FIGN: variants seen among roughly 807,000 people sequenced by gnomAD.
FIGN encodes the protein fidgetin.
In FIGN, 11 loss-of-function variants were observed where a neutral mutation model predicts 51.3. The observed-to-expected ratio is 0.21, with a 90% CI of 0.13 to 0.35. FIGN has a LOEUF of 0.35. FIGN is among the 10% of genes least tolerant of loss of function. The probability of loss-of-function intolerance (pLI) is 1.00; values close to 1 mark genes in which losing one functional copy is unlikely to be tolerated. For missense variants in FIGN, 857 were observed against 943.6 expected (o/e 0.91, Z 1.20); for synonymous variants, 407 against 363.2 (o/e 1.12, Z -1.37).
intron 2 of FIGN, among the ~76,000 whole-genome samples, chr2:163,733,242 G>T (rs1050455657): frequency 1.3e-5 from 2 of 152,064 alleles, no homozygotes; most frequent in Admixed American, 1.3e-4. Flanking sequence ...TAAGAGGGGG[G>T]CAATTTACAC....
At chr2:163,660,806 TATATATACATATACATATATATGTATAC>T (rs1384884803) in intron 2 of FIGN, among the ~76,000 whole-genome samples, 1 of 97,514 alleles carries the variant, frequency 1.0e-5, no homozygotes, top group African/African-American at 3.9e-5. Context: ...TAGATATACA[TATATATACATATACATATATATGTATAC>T]ATATATACAT....
In FIGN at chr2:163,696,366, A is replaced by G. The variant is rs531033727; in HGVS notation, c.25+38537T>C. Among the ~76,000 whole-genome samples the G allele has an allele frequency of 1.6e-4, 24 of 147,486 alleles. No individual in the cohort carries two copies. The South Asian group carries it at 4.6e-3, about 28-fold the overall frequency. On this transcript the variant is annotated intron_variant, in intron 2 of 2. Transcript: ENST00000333129. ...CTGGTACCCCATGAAACAGACTAGAAAAAAGTAAATGACTTAGAAATTAGC... is the reference window on the plus strand; with the variant it reads ...CTGGTACCCCATGAAACAGACTAGAGAAAAGTAAATGACTTAGAAATTAGC...
chr2:163,699,244 A>G lies in FIGN; in HGVS notation c.25+35659T>C, dbSNP rs149410627. ...AGAACAGAGAAAGGCAGGTATGAAG[A>G]AATGGTTTTATCAGATGTTTTTAGT... On this transcript the variant is annotated intron_variant, in intron 2 of 2. Transcript: ENST00000333129. 6.4e-3 allele frequency among the ~76,000 whole-genome samples: 971 copies of G among 152,308 alleles called. 15 individuals are homozygous for G. The highest frequency in any genetic ancestry group is 0.021 in the African/African-American group (876 of 41,570).
chr2:163,663,487 G>A (rs1049924078), intron 2 of FIGN, among the ~76,000 whole-genome samples: 22 of 151,350 alleles, frequency 1.5e-4, no homozygotes, highest in African/African-American at 4.8e-4. Context: ...GGTGCCCACC[G>A]CCACACCTGG....
intron 2 of FIGN, among the ~76,000 whole-genome samples, chr2:163,667,338 C>CAAAAA (rs397952314): frequency 1.2e-4 from 15 of 127,524 alleles, no homozygotes; most frequent in South Asian, 2.7e-4. Context: ...ACTATCCCCA[C>CAAAAA]AAAAAAAAAA....
chr2:163,682,464 A>C (rs1253929472), intron 2 of FIGN, among the ~76,000 whole-genome samples: 1 of 152,248 alleles, frequency 6.6e-6, no homozygotes, highest in Non-Finnish European at 1.5e-5. Flanking sequence ...GGCAAAAGTC[A>C]TGCACTTCAA....
chr2:163,618,015 C>A (rs1682907228), intron 2 of FIGN, among the ~76,000 whole-genome samples: 1 of 152,124 alleles, frequency 6.6e-6, no homozygotes, highest in Non-Finnish European at 1.5e-5. Flanking sequence ...CCTTCAACCT[C>A]AGGACAGCAA....
At chr2:163,614,543 T>C (rs1558996491) in intron 2 of FIGN, among the ~76,000 whole-genome samples, 1 of 151,208 alleles carries the variant, frequency 6.6e-6, no homozygotes, top group African/African-American at 2.4e-5. Flanking sequence ...AAATACAGAG[T>C]AGAGAAAATA....
intron 2 of FIGN, among the ~76,000 whole-genome samples, chr2:163,725,593 T>C (rs1304005354): frequency 6.6e-6 from 1 of 152,070 alleles, no homozygotes; most frequent in East Asian, 1.9e-4. Flanking sequence ...TTTTTACCCA[T>C]GATTATGAAC....
At chr2:163,641,136 G>A (rs1683299915) in intron 2 of FIGN, among the ~76,000 whole-genome samples, 1 of 152,136 alleles carries the variant, frequency 6.6e-6, no homozygotes, top group African/African-American at 2.4e-5. Context: ...CACAAACTAT[G>A]GTATATGTTA....
At chr2:163,695,262 C>T (rs1335800010) in intron 2 of FIGN, among the ~76,000 whole-genome samples, 1 of 152,076 alleles carries the variant, frequency 6.6e-6, no homozygotes, top group Non-Finnish European at 1.5e-5. Context: ...CCCTACTTGC[C>T]TACAAAATTT....
intron 2 of FIGN, among the ~76,000 whole-genome samples, chr2:163,720,235 G>C (rs1032861543): frequency 1.3e-5 from 2 of 152,106 alleles, no homozygotes; most frequent in African/African-American, 4.8e-5. Context: ...GCTTGGTTCT[G>C]CAATAAAAAT....
intron 2 of FIGN, among the ~76,000 whole-genome samples, chr2:163,669,897 A>G (rs958159064): frequency 1.3e-5 from 2 of 152,242 alleles, no homozygotes; most frequent in Admixed American, 6.5e-5. Flanking sequence ...AGGATTTAAT[A>G]GAAAAGTTAA....
intron 2 of FIGN, among the ~76,000 whole-genome samples, chr2:163,614,631 C>T (rs955990213): frequency 9.2e-5 from 14 of 151,936 alleles, no homozygotes; most frequent in Middle Eastern, 3.4e-3. Flanking sequence ...TTAAAGGGCT[C>T]AACAAATAAT....
intron 2 of FIGN, among the ~76,000 whole-genome samples, chr2:163,629,983 G>A (rs1159639921): frequency 1.3e-4 from 1 of 7,962 alleles, no homozygotes; most frequent in Non-Finnish European, 3.0e-4. Context: ...TTTTTTTTTT[G>A]ACAGGGTCTT....
Position 163,643,932 on chromosome 2 carries a change from C to CAAAAAAAAAAAAAAA in FIGN, c.26-32141_26-32127dup, listed in dbSNP as rs1162234909. Among the ~76,000 whole-genome samples the CAAAAAAAAAAAAAAA allele has an allele frequency of 2.5e-3, 48 of 19,076 alleles. 13 individuals carry two copies. Among genetic ancestry groups the CAAAAAAAAAAAAAAA allele is most frequent in the Non-Finnish European group, 3.4e-3 (35 of 10,436 alleles). 12.5% of individuals were successfully genotyped at this position (19,076 alleles called of 152,430 possible). Reference sequence around the variant, plus strand: ...GGGCAACAAGAGCGAAACTCTGTCTCAAAAAAAAAAAAAAAAAAAAAAAAA... The same window carrying CAAAAAAAAAAAAAAA: ...GGGCAACAAGAGCGAAACTCTGTCTCAAAAAAAAAAAAAAAAAAAAAAAAAAAAAAAAAAAAAAAA... On this transcript the variant is annotated intron_variant, in intron 2 of 2. Coordinates refer to ENST00000333129, the MANE Select transcript of FIGN (RefSeq NM_018086.4).
At chr2:163,713,850 G>A (rs1280567666) in intron 2 of FIGN, among the ~76,000 whole-genome samples, 1 of 151,994 alleles carries the variant, frequency 6.6e-6, no homozygotes, top group Non-Finnish European at 1.5e-5. Context: ...ACAAAGAGGG[G>A]GGAAAAAAGA....
chr2:163,641,228 A>G (rs1683301458), intron 2 of FIGN, among the ~76,000 whole-genome samples: 1 of 152,202 alleles, frequency 6.6e-6, no homozygotes, highest in Non-Finnish European at 1.5e-5. Context: ...TTTCCCTCAA[A>G]TTTCATTTTA....
At chr2:163,727,758 T>A (rs1330850993) in intron 2 of FIGN, among the ~76,000 whole-genome samples, 1 of 152,188 alleles carries the variant, frequency 6.6e-6, no homozygotes, top group Non-Finnish European at 1.5e-5. Context: ...TGGTGCAACT[T>A]CAAGTGCACT....
Sources: gnomAD v4.1 joint callset for allele counts (sites outside exome capture counted in the v4.1 genomes callset) on GRCh38, gnomAD v4.1.1 for gene constraint, MANE v1.5 for transcripts, NCBI Gene and HGNC (gene_info 2026-07-23, HGNC 2026-07-21) for gene names.